CAPZA2: variants seen among roughly 807,000 people sequenced by gnomAD.
The protein encoded by CAPZA2 is F-actin-capping protein subunit alpha-2.
A neutral mutation model predicts 44.0 loss-of-function variants in CAPZA2; 13 were observed. The observed-to-expected ratio is 0.30, with a 90% CI of 0.19 to 0.47. The LOEUF is 0.47. Ranked by LOEUF, CAPZA2 falls within the 20% of genes least tolerant of loss-of-function variation. CAPZA2 has a pLI of 1.00. For synonymous variants in CAPZA2, 94 were observed against 108.2 expected (o/e 0.87, Z 0.81); for missense variants, 244 against 338.6 (o/e 0.72, Z 2.19).
chr7:116,870,257 A>G (rs369545987), intron 1 of CAPZA2, among the ~76,000 whole-genome samples: 2 of 152,210 alleles, frequency 1.3e-5, no homozygotes, highest in South Asian at 2.1e-4. Flanking sequence ...AAAAATTTAG[A>G]AGATAGAAAA....
intron 1 of CAPZA2, among the ~76,000 whole-genome samples, chr7:116,883,767 G>A (rs1044415037): frequency 6.6e-6 from 1 of 152,132 alleles, no homozygotes; most frequent in African/African-American, 2.4e-5. Flanking sequence ...TAGAGCTGAC[G>A]AAAATTCTAA....
chr7:116,907,744 T>C (rs1410792258), intron 6 of CAPZA2, among the ~76,000 whole-genome samples: 1 of 152,152 alleles, frequency 6.6e-6, no homozygotes, highest in Non-Finnish European at 1.5e-5. Context: ...GGTTCCCAAG[T>C]AGCTGGAACT....
chr7:116,875,942 T>C (rs1226633521), intron 1 of CAPZA2: 2 of 152,120 alleles, frequency 1.3e-5, no homozygotes, highest in East Asian at 3.8e-4. Flanking sequence ...GATTCTTCAA[T>C]AAAAATTCAG....
chr7:116,882,390 T>C (rs1796713263), intron 1 of CAPZA2, among the ~76,000 whole-genome samples: 1 of 152,198 alleles, frequency 6.6e-6, no homozygotes, highest in Admixed American at 6.5e-5. Context: ...TTTATGCCAG[T>C]ATGGACTCAT....
chr7:116,900,857 C>G (rs1481905621), intron 4 of CAPZA2, among the ~76,000 whole-genome samples: 1 of 151,982 alleles, frequency 6.6e-6, no homozygotes, highest in African/African-American at 2.4e-5. Flanking sequence ...AGGATATGAA[C>G]AGACACTTTT....
intron 2 of CAPZA2, 126 bp downstream of exon 2, chr7:116,888,316 A>G (rs2115919338): frequency 3.4e-6 from 2 of 585,218 alleles, no homozygotes; most frequent in Non-Finnish European, 6.0e-6. Flanking sequence ...TTACAATGAC[A>G]ATATGTTAGT....
intron 6 of CAPZA2, among the ~76,000 whole-genome samples, chr7:116,908,064 A>G (rs1297163131): frequency 6.6e-6 from 1 of 151,636 alleles, no homozygotes; most frequent in Non-Finnish European, 1.5e-5. Flanking sequence ...AGTTCAAGAA[A>G]CCTGGGCAAC....
At position 116,909,072 on chromosome 7, in the gene CAPZA2, A is replaced by G. The variant is rs192853709; in HGVS notation, c.507-1161A>G. On this transcript the variant is annotated intron_variant, in intron 6 of 9. Coordinates refer to ENST00000361183, the MANE Select transcript of CAPZA2 (RefSeq NM_006136.3). The stretch of plus-strand genomic sequence containing the variant: ...AAAATTCAAAATTCAGAATGCTCCA[A>G]TAATCGTTTCCTTTGAGCATCATGT... 1.8e-4 allele frequency among the ~76,000 whole-genome samples: 27 copies of G among 152,270 alleles called. No homozygotes were observed. The East Asian group carries it at 4.4e-3, about 25-fold the overall frequency.
intron 2 of CAPZA2, among the ~76,000 whole-genome samples, chr7:116,890,523 AAAATATATAT>A (rs1796819701): frequency 5.2e-5 from 2 of 38,574 alleles, no homozygotes; most frequent in Non-Finnish European, 8.7e-5. Context: ...AAAAAAAAAA[AAAATATATAT>A]ATATATATAT....
intron 6 of CAPZA2, 55 bp from the exon 7 acceptor site, chr7:116,910,178 A>C: frequency 6.4e-6 from 6 of 936,478 alleles, no homozygotes; most frequent in Non-Finnish European, 1.1e-5. Context: ...GAAACTTAAA[A>C]TTGATTCAAA....
At chr7:116,910,990 C>CAAAAAAAAAAAAAAAAAAAAA (rs57772383) in intron 7 of CAPZA2, among the ~76,000 whole-genome samples, 1 of 50,608 alleles carries the variant, frequency 2.0e-5, no homozygotes, top group Non-Finnish European at 4.0e-5. Context: ...GACTCCGTCT[C>CAAAAAAAAAAAAAAAAAAAAA]AAAAAAAAAA....
intron 1 of CAPZA2, among the ~76,000 whole-genome samples, chr7:116,865,661 C>T (rs1293180914): frequency 6.6e-6 from 1 of 152,180 alleles, no homozygotes; most frequent in Non-Finnish European, 1.5e-5. Context: ...ACTGCAGCCT[C>T]AACTTCCTGG....
intron 1 of CAPZA2, among the ~76,000 whole-genome samples, chr7:116,869,407 T>C (rs1796521750): frequency 6.6e-6 from 1 of 152,244 alleles, no homozygotes; most frequent in Admixed American, 6.5e-5. Flanking sequence ...TAATTCGCAG[T>C]GTTTCTACTG....
intron 3 of CAPZA2, among the ~76,000 whole-genome samples, chr7:116,898,184 A>G (rs1039192045): frequency 3.3e-5 from 5 of 151,942 alleles, no homozygotes; most frequent in Non-Finnish European, 7.4e-5. Flanking sequence ...CAGTTTTTCA[A>G]GTCGGTTTTT....
intron 1 of CAPZA2, among the ~76,000 whole-genome samples, chr7:116,882,345 G>A (rs1055315573): frequency 6.6e-6 from 1 of 151,994 alleles, no homozygotes. Flanking sequence ...TATGATGAAG[G>A]GCTTTTCATT....
intron 1 of CAPZA2, among the ~76,000 whole-genome samples, chr7:116,865,174 C>CTCT (rs1796467237): frequency 8.2e-6 from 1 of 122,086 alleles, no homozygotes; most frequent in African/African-American, 3.3e-5. Context: ...TATGCGCTCT[C>CTCT]TTCTTTTTTT....
At chr7:116,863,035 C>T (rs1186479444) in intron 1 of CAPZA2, among the ~76,000 whole-genome samples, 2 of 152,084 alleles carry the variant, frequency 1.3e-5, no homozygotes, top group African/African-American at 4.8e-5. Context: ...AAGGGGTTTG[C>T]GTCCGTGCGT....
intron 1 of CAPZA2, among the ~76,000 whole-genome samples, chr7:116,869,855 A>G (rs1439116043): frequency 6.6e-6 from 1 of 151,610 alleles, no homozygotes; most frequent in Non-Finnish European, 1.5e-5. Flanking sequence ...AATGAATTGC[A>G]CACTTGTTTT....
rs1157661575 is a variant in CAPZA2, at chr7:116,921,933, A to G, written c.*4066A>G. ...GTGCTTTTCCAGAGTACACTTGGATATATGATTACATTTTAATAAGTTATA... is the reference window on the plus strand; with the variant it reads ...GTGCTTTTCCAGAGTACACTTGGATGTATGATTACATTTTAATAAGTTATA... On this transcript the variant is annotated 3_prime_UTR_variant, in exon 10 of 10. Transcript: ENST00000361183. 1 of 152,224 alleles carries G rather than the reference A, an allele frequency of 6.6e-6. No individual in the cohort carries two copies. The highest frequency in any genetic ancestry group is 1.5e-5 in the Non-Finnish European group (1 of 68,046). 9.4% of individuals were successfully genotyped at this position (152,224 alleles called of 1,614,324 possible).
Sources: allele counts gnomAD v4.1 joint callset (sites outside exome capture counted in the v4.1 genomes callset), GRCh38; gene constraint gnomAD v4.1.1; transcripts MANE v1.5; gene names NCBI Gene and HGNC (gene_info 2026-07-23, HGNC 2026-07-21).